ROBO1: variants seen among roughly 807,000 people sequenced by gnomAD.
The protein encoded by ROBO1 is roundabout guidance receptor 1.
ROBO1 carries 149 observed loss-of-function variants against 195.9 expected under a neutral mutation model. The ratio of observed to expected loss-of-function variants is 0.76; its 90% confidence interval spans 0.67 to 0.87. ROBO1 has a LOEUF of 0.87. ROBO1 is among the 40% of genes least tolerant of loss of function. The probability of loss-of-function intolerance (pLI) is 0.00; values close to 1 mark genes in which losing one functional copy is unlikely to be tolerated. For synonymous variants in ROBO1, 816 were observed against 733.2 expected (o/e 1.11, Z -1.82); for missense variants, 1,933 against 2,068.3 (o/e 0.93, Z 1.27).
intron 2 of ROBO1, among the ~76,000 whole-genome samples, chr3:79,412,149 T>G (rs944790634): frequency 6.6e-6 from 1 of 152,102 alleles, no homozygotes. Flanking sequence ...AAAGATGCTG[T>G]TTTTCCCATA....
chr3:79,726,697 G>A (rs920671924), intron 1 of ROBO1, among the ~76,000 whole-genome samples: 1 of 152,106 alleles, frequency 6.6e-6, no homozygotes, highest in African/African-American at 2.4e-5. Flanking sequence ...AGGCTTTGCT[G>A]GTGCTTTTAG....
At chr3:79,499,384 G>GCCTAGGACATTCTGTCTAAAT (rs1208054573) in intron 2 of ROBO1, among the ~76,000 whole-genome samples, 1 of 152,146 alleles carries the variant, frequency 6.6e-6, no homozygotes, top group African/African-American at 2.4e-5. Context: ...TTTAAAGAAT[G>GCCTAGGACATTCTGTCTAAAT]CTAAATACAT....
intron 3 of ROBO1, among the ~76,000 whole-genome samples, chr3:79,050,130 G>A (rs1299036966): frequency 6.6e-6 from 1 of 152,136 alleles, no homozygotes; most frequent in Non-Finnish European, 1.5e-5. Context: ...ACCCATTGGT[G>A]TGCTATATTC....
intron 4 of ROBO1, among the ~76,000 whole-genome samples, chr3:78,752,350 T>C (rs1243881735): frequency 6.6e-6 from 1 of 152,180 alleles, no homozygotes; most frequent in East Asian, 1.9e-4. Context: ...CTCTTGTATC[T>C]TCCTTGCAGT....
intron 1 of ROBO1, among the ~76,000 whole-genome samples, chr3:79,651,027 A>T (rs1321444551): frequency 6.6e-6 from 1 of 152,080 alleles, no homozygotes; most frequent in Non-Finnish European, 1.5e-5. Context: ...TAGAATTTTA[A>T]TTCAATTATT....
intron 1 of ROBO1, among the ~76,000 whole-genome samples, chr3:79,716,137 C>A (rs916435275): frequency 1.3e-5 from 2 of 151,870 alleles, no homozygotes; most frequent in African/African-American, 4.8e-5. Context: ...AAGTGGTAAA[C>A]TTCAAATATC....
chr3:78,738,694 CA>C (rs1295034600), intron 5 of ROBO1, among the ~76,000 whole-genome samples: 11 of 152,070 alleles, frequency 7.2e-5, no homozygotes, highest in Non-Finnish European at 1.5e-4. Flanking sequence ...CCATCCTGGG[CA>C]AACCAGAATG....
At chr3:78,888,791 A>C (rs1465230452) in intron 4 of ROBO1, among the ~76,000 whole-genome samples, 1 of 152,176 alleles carries the variant, frequency 6.6e-6, no homozygotes, top group East Asian at 1.9e-4. Context: ...ACCTCCAAAA[A>C]TACTAAAAAC....
At chr3:79,374,793 G>A (rs961324860) in intron 2 of ROBO1, among the ~76,000 whole-genome samples, 2 of 151,966 alleles carry the variant, frequency 1.3e-5, no homozygotes, top group Non-Finnish European at 2.9e-5. Context: ...TATTCTAGAA[G>A]TTATTCTTGC....
At chr3:78,726,551 T>C (rs986022840) in intron 5 of ROBO1, among the ~76,000 whole-genome samples, 3 of 152,226 alleles carry the variant, frequency 2.0e-5, no homozygotes, top group African/African-American at 7.2e-5. Context: ...ATGAGAGGTT[T>C]TGAATGATAG....
chr3:78,980,516 C>T (rs2107981757), intron 3 of ROBO1, among the ~76,000 whole-genome samples: 1 of 152,282 alleles, frequency 6.6e-6, no homozygotes, highest in Non-Finnish European at 1.5e-5. Flanking sequence ...ATTCTTTATA[C>T]CAAAAACTTA....
chr3:78,746,583 G>A (rs950607600), intron 5 of ROBO1, among the ~76,000 whole-genome samples, 160 bp downstream of exon 5: 4 of 152,100 alleles, frequency 2.6e-5, no homozygotes, highest in African/African-American at 9.7e-5. Context: ...TGTCAACACA[G>A]AAAGAATTGA....
intron 2 of ROBO1, among the ~76,000 whole-genome samples, chr3:79,248,703 G>A (rs918824990): frequency 2.0e-5 from 3 of 152,154 alleles, no homozygotes; most frequent in Non-Finnish European, 2.9e-5. Context: ...AAAAAGATGA[G>A]AGTGGTTTGC....
chr3:79,163,503 C>T (rs1331195345), intron 2 of ROBO1, among the ~76,000 whole-genome samples: 1 of 152,044 alleles, frequency 6.6e-6, no homozygotes, highest in Non-Finnish European at 1.5e-5. Context: ...GTATAAATAT[C>T]TCTTTGAGAT....
chr3:79,503,361 C>G (rs1163978319), intron 2 of ROBO1, among the ~76,000 whole-genome samples: 1 of 152,142 alleles, frequency 6.6e-6, no homozygotes, highest in Non-Finnish European at 1.5e-5. Flanking sequence ...TCAGGACACG[C>G]CACCTTTAAG....
intron 1 of ROBO1, among the ~76,000 whole-genome samples, chr3:79,746,569 T>G (rs1211593094): frequency 2.0e-5 from 3 of 152,090 alleles, no homozygotes. Flanking sequence ...AATTTCTACC[T>G]CACTTTTCCT....
chr3:78,800,078 T>C (rs1225530385), intron 4 of ROBO1, among the ~76,000 whole-genome samples: 1 of 152,198 alleles, frequency 6.6e-6, no homozygotes, highest in Non-Finnish European at 1.5e-5. Flanking sequence ...ACAGTAAAAA[T>C]GTGCTGCTCA....
chr3:78,833,976 G>A (rs2032468737), intron 4 of ROBO1, among the ~76,000 whole-genome samples: 1 of 152,186 alleles, frequency 6.6e-6, no homozygotes, highest in Admixed American at 6.6e-5. Context: ...TAAGCAGAGA[G>A]AAGGGGATGG....
intron 2 of ROBO1, among the ~76,000 whole-genome samples, chr3:79,553,469 C>G (rs970329660): frequency 6.6e-6 from 1 of 151,982 alleles, no homozygotes; most frequent in African/African-American, 2.4e-5. Flanking sequence ...CCAGAGTATG[C>G]ATAAAATTCT....
Sources: allele counts gnomAD v4.1 joint callset (sites outside exome capture counted in the v4.1 genomes callset), GRCh38; gene constraint gnomAD v4.1.1; transcripts MANE v1.5; gene names NCBI Gene and HGNC (gene_info 2026-07-23, HGNC 2026-07-21).